Variants in OCA2 observed in about 807,000 individuals in gnomAD.
OCA2 encodes the protein OCA2 melanosomal transmembrane protein.
A neutral mutation model predicts 100.2 loss-of-function variants in OCA2; 77 were observed. That is an observed-to-expected ratio of 0.77 (90% CI 0.64 to 0.93). The LOEUF (loss-of-function observed/expected upper bound fraction) is 0.93. OCA2 is among the 40% of genes least tolerant of loss of function. OCA2 has a pLI of 0.00. For missense variants in OCA2, 1,062 were observed against 1,089.1 expected (o/e 0.98, Z 0.35); for synonymous variants, 432 against 439.2 (o/e 0.98, Z 0.21).
intron 14 of OCA2, among the ~76,000 whole-genome samples, chr15:27,967,376 C>A (rs886233408): frequency 7.2e-5 from 11 of 152,150 alleles, no homozygotes; most frequent in African/African-American, 2.4e-4. Flanking sequence ...AATTCTTACA[C>A]AAATGACAAG....
At chr15:28,041,018 AC>A (rs1377622150) in intron 2 of OCA2, among the ~76,000 whole-genome samples, 2 of 152,188 alleles carry the variant, frequency 1.3e-5, no homozygotes, top group Non-Finnish European at 2.9e-5. Flanking sequence ...GGCCAGCATT[AC>A]CCTGATACCA....
intron 23 of OCA2, among the ~76,000 whole-genome samples, chr15:27,814,537 T>C (rs535483393): frequency 1.5e-3 from 227 of 152,254 alleles, no homozygotes; most frequent in Admixed American, 3.4e-3. Flanking sequence ...CAGTCAATCT[T>C]TAAGATTATT....
chr15:27,858,746 A>G (rs949351653), intron 21 of OCA2, among the ~76,000 whole-genome samples: 1 of 152,160 alleles, frequency 6.6e-6, no homozygotes, highest in African/African-American at 2.4e-5. Context: ...AGATATTTCT[A>G]CTATAAAATT....
intron 19 of OCA2, among the ~76,000 whole-genome samples, chr15:27,894,021 C>G (rs538301383): frequency 6.6e-6 from 1 of 152,166 alleles, no homozygotes; most frequent in Non-Finnish European, 1.5e-5. Context: ...TTAATAAAAG[C>G]TTGCTGGTCT....
intron 23 of OCA2, among the ~76,000 whole-genome samples, chr15:27,772,085 C>T (rs796459492): frequency 4.6e-5 from 7 of 152,374 alleles, no homozygotes; most frequent in African/African-American, 1.4e-4. Context: ...AGCAAGCCGC[C>T]TGCGGGCCCA....
chr15:27,872,915 C>T (rs746311044), intron 19 of OCA2, among the ~76,000 whole-genome samples: 6 of 152,166 alleles, frequency 3.9e-5, no homozygotes, highest in Non-Finnish European at 7.3e-5. Context: ...GTCTCGAACT[C>T]GTGACCTCAG....
Position 28,099,287 on chromosome 15 carries a change from G to T in OCA2, c.-85C>A. The T allele has an allele frequency of 6.6e-6, 1 of 152,414 alleles. No individual in the cohort carries two copies. 9.4% of individuals were successfully genotyped at this position (152,414 alleles called of 1,614,324 possible). On this transcript the variant is annotated 5_prime_UTR_variant, in exon 1 of 24. Coordinates refer to ENST00000354638, the MANE Select transcript of OCA2 (RefSeq NM_000275.3). ...GGTCCGCACCTCCGCTCTGGATGGT[G>T]AGCGGAGCACAGCCTTCGAAGTAAG...
chr15:28,067,784 T>C (rs1566860496), intron 2 of OCA2, among the ~76,000 whole-genome samples: 1 of 152,232 alleles, frequency 6.6e-6, no homozygotes, highest in Non-Finnish European at 1.5e-5. Flanking sequence ...ATATGTTCCA[T>C]ATGCAGATGG....
chr15:27,739,251 GGAC>G, the OCA2 span, among the ~76,000 whole-genome samples: 1 of 152,046 alleles, frequency 6.6e-6, no homozygotes, highest in Non-Finnish European at 1.5e-5. Flanking sequence ...CACTGAAAGA[GGAC>G]TACCTCATGA....
At position 27,774,485 on chromosome 15, in the gene OCA2, G is replaced by A. The variant is rs534072499; in HGVS notation, c.2433-19013C>T. 2.0e-4 allele frequency among the ~76,000 whole-genome samples: 31 copies of A among 152,354 alleles called. 1 individual carries two copies. In the South Asian group the frequency reaches 5.2e-3, roughly 25 times the overall value. ...CCCTCGGAAGGTACCTTCATGTGGT[G>A]CAGGCAGCTTCTTGGTGTAGACCAT... On this transcript the variant is annotated intron_variant, in intron 23 of 23. Coordinates refer to ENST00000354638, the MANE Select transcript of OCA2 (RefSeq NM_000275.3).
chr15:27,733,823 AT>A, the OCA2 span, among the ~76,000 whole-genome samples: 1 of 152,044 alleles, frequency 6.6e-6, no homozygotes, highest in African/African-American at 2.4e-5. Flanking sequence ...GTATTAACTT[AT>A]TAAAATATCA....
intron 23 of OCA2, among the ~76,000 whole-genome samples, chr15:27,796,733 C>A (rs1185596257): frequency 6.6e-6 from 1 of 152,232 alleles, no homozygotes; most frequent in Non-Finnish European, 1.5e-5. Flanking sequence ...TTCCTGGCCC[C>A]AGGTTGGAAG....
chr15:27,853,065 A>G (rs2151420497), intron 21 of OCA2, among the ~76,000 whole-genome samples: 1 of 136,618 alleles, frequency 7.3e-6, no homozygotes, highest in East Asian at 2.1e-4. Context: ...CAGCTATCCC[A>G]TTACTGGGTA....
chr15:27,900,203 C>T (rs1052798881), intron 19 of OCA2, among the ~76,000 whole-genome samples: 2 of 152,126 alleles, frequency 1.3e-5, no homozygotes, highest in Non-Finnish European at 2.9e-5. Flanking sequence ...TTTACCTGCC[C>T]TCATTATAAT....
intron 21 of OCA2, among the ~76,000 whole-genome samples, chr15:27,859,409 T>C (rs889564606): frequency 2.0e-4 from 30 of 152,104 alleles, no homozygotes; most frequent in African/African-American, 7.2e-4. Context: ...TGCCAACAAA[T>C]TGTGTTAACT....
intron 23 of OCA2, among the ~76,000 whole-genome samples, chr15:27,799,806 C>T (rs1339337255): frequency 6.6e-6 from 1 of 152,008 alleles, no homozygotes; most frequent in Non-Finnish European, 1.5e-5. Context: ...GAGCAGCCAG[C>T]CACGTCCCTT....
intron 22 of OCA2, among the ~76,000 whole-genome samples, chr15:27,846,073 C>G (rs1047243307): frequency 2.0e-5 from 3 of 152,090 alleles, no homozygotes; most frequent in African/African-American, 7.2e-5. Context: ...AGAGGTGGGG[C>G]TCAGGCTGCC....
intron 21 of OCA2, among the ~76,000 whole-genome samples, chr15:27,864,882 C>T (rs893363412): frequency 2.6e-5 from 4 of 151,736 alleles, no homozygotes; most frequent in African/African-American, 7.3e-5. Flanking sequence ...GTCTTTAGGG[C>T]CATGCAATGG....
chr15:28,093,483 T>G (rs2044908320), intron 1 of OCA2, among the ~76,000 whole-genome samples: 2 of 151,612 alleles, frequency 1.3e-5, no homozygotes, highest in African/African-American at 4.9e-5. Context: ...CTCGAGAGGG[T>G]GGTTCACTCC....
Sources: gnomAD v4.1 joint callset for allele counts (sites outside exome capture counted in the v4.1 genomes callset) on GRCh38, gnomAD v4.1.1 for gene constraint, MANE v1.5 for transcripts, NCBI Gene and HGNC (gene_info 2026-07-23, HGNC 2026-07-21) for gene names.